The following IMMP2L variants were observed in gnomAD, a reference collection of about 807,000 sequenced individuals.
The protein encoded by IMMP2L is mitochondrial inner membrane protease subunit 2.
A neutral mutation model predicts 19.3 loss-of-function variants in IMMP2L; 18 were observed. The observed-to-expected ratio is 0.93, with a 90% CI of 0.64 to 1.38. The LOEUF (loss-of-function observed/expected upper bound fraction) is 1.38. IMMP2L is among the 40% of genes most tolerant of loss of function. The pLI is 0.00. For synonymous variants in IMMP2L, 76 were observed against 73.0 expected (o/e 1.04, Z -0.21); for missense variants, 233 against 218.2 (o/e 1.07, Z -0.43).
At chr7:111,435,920 T>C (rs1837118922) in intron 3 of IMMP2L, among the ~76,000 whole-genome samples, 1 of 151,680 alleles carries the variant, frequency 6.6e-6, no homozygotes. Flanking sequence ...AGACCCCCTA[T>C]AGATGTAGAC....
intron 3 of IMMP2L, among the ~76,000 whole-genome samples, chr7:111,234,252 C>A (rs1310372745): frequency 6.6e-6 from 1 of 152,010 alleles, no homozygotes; most frequent in Admixed American, 6.6e-5. Context: ...GTTATAGATA[C>A]CTAATTTAAT....
intron 5 of IMMP2L, among the ~76,000 whole-genome samples, chr7:110,785,208 G>A (rs1333645939): frequency 6.6e-6 from 1 of 151,826 alleles, no homozygotes; most frequent in East Asian, 1.9e-4. Context: ...AAATAAATGT[G>A]TTTTAGCCAG....
chr7:111,214,357 T>TTTG (rs1811679258), intron 3 of IMMP2L, among the ~76,000 whole-genome samples: 1 of 142,136 alleles, frequency 7.0e-6, no homozygotes, highest in African/African-American at 2.6e-5. Flanking sequence ...TTTTTTTTTT[T>TTTG]TGAGACAGGG....
chr7:110,762,024 CT>C (rs1208100667), intron 5 of IMMP2L, among the ~76,000 whole-genome samples: 1 of 152,120 alleles, frequency 6.6e-6, no homozygotes, highest in Non-Finnish European at 1.5e-5. Context: ...GCAGATAATG[CT>C]TTGAATTCTT....
At chr7:111,032,981 A>G (rs1281940941) in intron 3 of IMMP2L, among the ~76,000 whole-genome samples, 1 of 152,024 alleles carries the variant, frequency 6.6e-6, no homozygotes, top group African/African-American at 2.4e-5. Context: ...TTAGCTGGGC[A>G]TGGTGGCATG....
intron 3 of IMMP2L, among the ~76,000 whole-genome samples, chr7:111,215,006 G>A (rs954557316): frequency 1.3e-5 from 2 of 152,064 alleles, no homozygotes; most frequent in Non-Finnish European, 2.9e-5. Context: ...ACCAGTTCTT[G>A]CAAAACTATG....
In IMMP2L at chr7:111,481,213, G is replaced by C. The variant is rs137899750; in HGVS notation, c.239+6025C>G. Among the ~76,000 whole-genome samples, 315 of 152,220 alleles carry C rather than the reference G, an allele frequency of 2.1e-3. 3 individuals are homozygous for C. The highest frequency in any genetic ancestry group is 7.2e-3 in the African/African-American group (301 of 41,534). ...ACTGCTATGTATTTCAGGAACCACT[G>C]TATCAGAAATTCAACTACAGAAATG... is the stretch of plus-strand genomic sequence containing the variant. On this transcript the variant is annotated intron_variant, in intron 3 of 5. Transcript: ENST00000405709.
chr7:110,925,246 A>T (rs1040965867), intron 4 of IMMP2L, among the ~76,000 whole-genome samples: 4 of 152,140 alleles, frequency 2.6e-5, no homozygotes, highest in Admixed American at 1.3e-4. Context: ...ATATTTGGAT[A>T]TGTGGTCTTA....
At chr7:111,254,675 G>C (rs1816506432) in intron 3 of IMMP2L, among the ~76,000 whole-genome samples, 1 of 152,048 alleles carries the variant, frequency 6.6e-6, no homozygotes, top group African/African-American at 2.4e-5. Context: ...CTGTATACAT[G>C]AGAGATTGGT....
At chr7:110,738,771 A>T (rs1160875437) in intron 5 of IMMP2L, among the ~76,000 whole-genome samples, 1 of 152,236 alleles carries the variant, frequency 6.6e-6, no homozygotes, top group African/African-American at 2.4e-5. Flanking sequence ...CATAGTCATC[A>T]GGTTATCTAA....
chr7:111,011,073 G>A (rs765877322), intron 3 of IMMP2L, among the ~76,000 whole-genome samples: 10 of 152,042 alleles, frequency 6.6e-5, no homozygotes, highest in Admixed American at 6.6e-5. Flanking sequence ...CCTTGGCAAA[G>A]GGCTGTAGAA....
At chr7:110,783,500 A>G (rs1188206503) in intron 5 of IMMP2L, among the ~76,000 whole-genome samples, 2 of 151,868 alleles carry the variant, frequency 1.3e-5, no homozygotes. Context: ...ATGTTGAAAT[A>G]TGGGATTTTA....
At chr7:111,528,501 A>T (rs936327834) in intron 1 of IMMP2L, among the ~76,000 whole-genome samples, 1 of 152,210 alleles carries the variant, frequency 6.6e-6, no homozygotes, top group Non-Finnish European at 1.5e-5. Context: ...AAGTGAAACC[A>T]TATTTGCCAC....
At position 110,687,718 on chromosome 7, in the gene IMMP2L, T is replaced by C. The variant is rs536425123; in HGVS notation, c.409-23997A>G. On this transcript the variant is annotated intron_variant, in intron 5 of 5. Coordinates refer to ENST00000405709, the MANE Select transcript of IMMP2L (RefSeq NM_032549.4). ...AGCCAAAGCATGTGTACGTAAATAATTCTACTTATTTCTTTATGTCAATAA... is the reference window on the plus strand; with the variant it reads ...AGCCAAAGCATGTGTACGTAAATAACTCTACTTATTTCTTTATGTCAATAA... Among the ~76,000 whole-genome samples the C allele has an allele frequency of 4.6e-5, 7 of 152,256 alleles. No individual in the cohort carries two copies. In the South Asian group the frequency reaches 8.3e-4, roughly 18 times the overall value.
At chr7:111,433,552 T>C (rs866862830) in intron 3 of IMMP2L, among the ~76,000 whole-genome samples, 1 of 151,734 alleles carries the variant, frequency 6.6e-6, no homozygotes, top group Non-Finnish European at 1.5e-5. Context: ...CATAATTCAA[T>C]TGTCTCCCAC....
chr7:111,096,941 C>T (rs946846345), intron 3 of IMMP2L: 1 of 151,898 alleles, frequency 6.6e-6, no homozygotes, highest in African/African-American at 2.4e-5. Flanking sequence ...GAGATTGTGT[C>T]TGTCAAAAGT....
chr7:111,400,309 T>C (rs1186874426), intron 3 of IMMP2L, among the ~76,000 whole-genome samples: 2 of 152,176 alleles, frequency 1.3e-5, no homozygotes, highest in African/African-American at 4.8e-5. Context: ...ATTGCAACAG[T>C]GAATAAGTCA....
chr7:111,188,381 C>T (rs944598862), intron 3 of IMMP2L, among the ~76,000 whole-genome samples: 8 of 152,056 alleles, frequency 5.3e-5, no homozygotes, highest in African/African-American at 1.9e-4. Context: ...GGCTCTCTTC[C>T]AGTTTGCAGA....
intron 3 of IMMP2L, among the ~76,000 whole-genome samples, chr7:111,233,967 C>A (rs1298661330): frequency 6.6e-6 from 1 of 152,110 alleles, no homozygotes; most frequent in South Asian, 2.1e-4. Flanking sequence ...TTTCTCCCCA[C>A]AAGCAGAAAT....
Sources: allele counts gnomAD v4.1 joint callset (sites outside exome capture counted in the v4.1 genomes callset), GRCh38; gene constraint gnomAD v4.1.1; transcripts MANE v1.5; gene names NCBI Gene and HGNC (gene_info 2026-07-23, HGNC 2026-07-21).